SMG5: variants seen among roughly 807,000 people sequenced by gnomAD.
SMG5 encodes the protein SMG5 nonsense mediated mRNA decay factor, also known as nonsense-mediated mRNA decay factor SMG5.
Under a neutral mutation model 122.9 loss-of-function variants are expected in SMG5, and 53 were observed. The observed-to-expected ratio is 0.43, with a 90% CI of 0.35 to 0.54. The LOEUF (loss-of-function observed/expected upper bound fraction) is 0.54, where lower values mean the gene tolerates loss of function less well. Ranked by LOEUF, SMG5 falls within the 20% of genes least tolerant of loss-of-function variation. The probability of loss-of-function intolerance (pLI) is 0.01; values close to 1 mark genes in which losing one functional copy is unlikely to be tolerated. For synonymous variants in SMG5, 477 were observed against 490.2 expected, an observed-to-expected ratio of 0.97 and a Z score of 0.35; for missense variants, 1,153 against 1,285.6, an observed-to-expected ratio of 0.90 and a Z score of 1.58.
chr1:156,261,250 G>A, intron 14 of SMG5, 83 bp downstream of exon 14: 1 of 1,332,792 alleles, frequency 7.5e-7, no homozygotes, highest in Non-Finnish European at 1.1e-6. Context: ...TACCCCAAGG[G>A]CTGGGTTATG....
intron 16 of SMG5, among the ~76,000 whole-genome samples, chr1:156,254,420 G>A (rs1331566714): frequency 6.6e-6 from 1 of 152,148 alleles, no homozygotes; most frequent in Non-Finnish European, 1.5e-5. Context: ...AAGATATGGG[G>A]AGCCACTGAA....
intron 4 of SMG5, 45 bp downstream of exon 4, chr1:156,277,040 G>C: frequency 1.3e-6 from 2 of 1,593,580 alleles, no homozygotes; most frequent in Non-Finnish European, 1.7e-6. Flanking sequence ...GCCAGAGGTA[G>C]AAGCATGAGA....
rs201356621 is a variant in SMG5, at chr1:156,277,252, C to A, written c.298-11G>T. The A allele has an allele frequency of 1.2e-6, 2 of 1,611,006 alleles. No homozygotes were observed. The highest frequency in any genetic ancestry group is 2.2e-5 in the East Asian group (1 of 44,854). On this transcript the variant is annotated splice_polypyrimidine_tract_variant and intron_variant, in intron 3 of 21. Coordinates refer to ENST00000361813, the MANE Select transcript of SMG5 (RefSeq NM_015327.3). ...CCGGCTGTGGATGTGCTACAGATTGCGAAAGGGAAGGGGCTGGTTAAGCAA... is the reference window on the plus strand; with the variant it reads ...CCGGCTGTGGATGTGCTACAGATTGAGAAAGGGAAGGGGCTGGTTAAGCAA...
At position 156,265,865 on chromosome 1, in the gene SMG5, G is replaced by C; in HGVS notation, c.1771C>G (p.Leu591Val). 1 of 1,614,224 alleles carries C rather than the reference G, an allele frequency of 6.2e-7. No homozygotes were observed. The highest frequency in any genetic ancestry group is 1.1e-5 in the South Asian group (1 of 91,090). ...TGAGGGTTGGTGGTGGGCTGGAGGA[G>C]CAGGTTGCTAAAGGTGGGGGCCAGT... ...FRLAPTFSNL[L>V]LQPTTNPHTS... The change falls in exon 12 of 22, where the codon CTC (leucine) becomes GTC (valine). Residue 591 changes from leucine (L) to valine (V), a missense_variant. Coordinates refer to ENST00000361813, the MANE Select transcript of SMG5 (RefSeq NM_015327.3).
intron 4 of SMG5, among the ~76,000 whole-genome samples, chr1:156,275,036 A>G (rs568729806): frequency 6.6e-6 from 1 of 150,770 alleles, no homozygotes; most frequent in African/African-American, 2.4e-5. Flanking sequence ...AGGGTCATGA[A>G]TGTCTTGGGT....
At chr1:156,273,837 G>A (rs143419446) in intron 5 of SMG5, among the ~76,000 whole-genome samples, 67 of 150,778 alleles carry the variant, frequency 4.4e-4, no homozygotes, top group African/African-American at 1.6e-3. Flanking sequence ...CTACAGATGC[G>A]TGCCACCACG....
chr1:156,289,971 G>A, the SMG5 span: 1 of 152,182 alleles, frequency 6.6e-6, no homozygotes, highest in African/African-American at 2.4e-5. Context: ...ACAGGTTTGG[G>A]TTCATATCAT....
intron 13 of SMG5, among the ~76,000 whole-genome samples, chr1:156,262,321 A>C (rs1661884160): frequency 2.0e-5 from 3 of 151,988 alleles, no homozygotes; most frequent in Non-Finnish European, 2.9e-5. Context: ...TCTACTAAAA[A>C]TACAAAAAAT....
At chr1:156,255,582 TTAAA>T (rs1166714338) in intron 16 of SMG5, among the ~76,000 whole-genome samples, 2 of 147,012 alleles carry the variant, frequency 1.4e-5, no homozygotes, top group Non-Finnish European at 3.0e-5. Context: ...AAAATAAAAA[TTAAA>T]TAAAATATTA....
At chr1:156,265,403 AGAG>A (rs1417256881) in intron 12 of SMG5, among the ~76,000 whole-genome samples, 5 of 152,280 alleles carry the variant, frequency 3.3e-5, no homozygotes, top group African/African-American at 1.2e-4. Context: ...TATCCTCAGG[AGAG>A]AAGTCTCACT....
intron 1 of SMG5, 125 bp downstream of exon 1, chr1:156,282,482 A>T: frequency 2.0e-6 from 2 of 1,025,414 alleles, no homozygotes; most frequent in South Asian, 3.0e-5. Flanking sequence ...CGCCTCCAAA[A>T]TTGCACCCTC....
chr1:156,271,845 G>A (rs1025935760), intron 7 of SMG5, among the ~76,000 whole-genome samples: 1 of 151,962 alleles, frequency 6.6e-6, no homozygotes, highest in South Asian at 2.1e-4. Context: ...TGCCTGCCTT[G>A]GCCTCCCAAA....
upstream of SMG5, chr1:156,285,953 G>A (rs768135488): frequency 9.3e-6 from 15 of 1,610,564 alleles, no homozygotes; most frequent in Admixed American, 1.7e-5. Context: ...ACTGCGCTGC[G>A]GGGTCTTTGC....
In SMG5 at chr1:156,260,488, A is replaced by T. The variant is rs773343827; in HGVS notation, c.2246T>A (p.Phe749Tyr). Residue 749 changes from phenylalanine (F) to tyrosine (Y), a missense_variant, in exon 15 of 22, where the codon TTT (phenylalanine) becomes TAT (tyrosine). Transcript: ENST00000361813. ...GCTGAGCAGGGGCCGATCCGTGTCA[A>T]AGTTAAAGCGTCTGTGGGCAGCTCG... ...PLRAAHRRFN[F>Y]DTDRPLLSTL... The T allele has an allele frequency of 7.5e-6, 12 of 1,593,252 alleles. No homozygotes were observed. In the South Asian group the frequency reaches 1.4e-4, roughly 18 times the overall value.
chr1:156,253,381 C>A, intron 17 of SMG5, 68 bp downstream of exon 17: 1 of 1,516,788 alleles, frequency 6.6e-7, no homozygotes, highest in Non-Finnish European at 9.2e-7. Context: ...AAGGGGGAGA[C>A]CTGCCAGTAG....
At chr1:156,280,780 T>C (rs1662900702) in intron 1 of SMG5, among the ~76,000 whole-genome samples, 2 of 152,214 alleles carry the variant, frequency 1.3e-5, no homozygotes. Context: ...CATCAGATCA[T>C]AAGCTCCTCC....
At chr1:156,260,173 T>C (rs1229348382) in intron 15 of SMG5, among the ~76,000 whole-genome samples, 2 of 152,106 alleles carry the variant, frequency 1.3e-5, no homozygotes, top group African/African-American at 2.4e-5. Flanking sequence ...CTAATAACTA[T>C]TTGTTCTGCC....
intron 20 of SMG5, 200 bp from the exon 21 acceptor site, chr1:156,251,196 G>A: frequency 1.1e-6 from 1 of 891,668 alleles, no homozygotes; most frequent in Non-Finnish European, 1.7e-6. Context: ...GCATCGCAAG[G>A]CCCAAAGAGG....
intron 6 of SMG5, among the ~76,000 whole-genome samples, chr1:156,272,776 C>G (rs1166716498): frequency 6.6e-6 from 1 of 152,094 alleles, no homozygotes; most frequent in Non-Finnish European, 1.5e-5. Flanking sequence ...CGAGGTTTCA[C>G]CGTGGTCTCA....
Sources: gnomAD v4.1 joint callset for allele counts (sites outside exome capture counted in the v4.1 genomes callset) on GRCh38, gnomAD v4.1.1 for gene constraint, MANE v1.5 for transcripts, NCBI Gene and HGNC (gene_info 2026-07-23, HGNC 2026-07-21) for gene names.